Variants in MZT2B observed in about 807,000 individuals in gnomAD.
MZT2B encodes mitotic-spindle organizing protein 2B.
MZT2B carries 11 observed loss-of-function variants against 12.1 expected under a neutral mutation model. The observed-to-expected ratio is 0.91, with a 90% CI of 0.57 to 1.50. The LOEUF (loss-of-function observed/expected upper bound fraction) is 1.50. Ranked by LOEUF, MZT2B falls within the 40% of genes most tolerant of loss-of-function variation. MZT2B has a pLI of 0.00. For synonymous variants in MZT2B, 85 were observed against 109.5 expected (o/e 0.78, Z 1.40); for missense variants, 209 against 227.7 (o/e 0.92, Z 0.53).
At chr2:130,181,731 G>T (rs533911400), upstream of MZT2B, 688 of 1,548,836 alleles carry the variant, frequency 4.4e-4, 4 homozygotes, top group Middle Eastern at 4.7e-3. Context: ...GGCGAGGCAG[G>T]AGTGCGGGGG....
Position 130,190,639 on chromosome 2 carries a change from A to G in MZT2B, c.*13A>G. Reference sequence around the variant, plus strand: ...GGGCAGCACCTAGGATGGGGCAGAGACTTGTTGCATCTTTGTCCCCAGCAA... The same window carrying G: ...GGGCAGCACCTAGGATGGGGCAGAGGCTTGTTGCATCTTTGTCCCCAGCAA... On this transcript the variant is annotated 3_prime_UTR_variant, in exon 3 of 3. Transcript: ENST00000281871. 6.3e-7 allele frequency: 1 copy of G among 1,590,662 alleles called. No individual in the cohort carries two copies. Among genetic ancestry groups the G allele is most frequent in the East Asian group, 2.3e-5 (1 of 44,164 alleles).
At chr2:130,201,603 T>A in the MZT2B span, among the ~76,000 whole-genome samples, 2 of 152,188 alleles carry the variant, frequency 1.3e-5, no homozygotes, top group Non-Finnish European at 2.9e-5. Context: ...GGGACACCAT[T>A]CAGTCCATAG....
At chr2:130,181,723 C>G, upstream of MZT2B, 3 of 1,548,904 alleles carry the variant, frequency 1.9e-6, no homozygotes, top group Non-Finnish European at 2.6e-6. Flanking sequence ...AGAGAAATGG[C>G]GAGGCAGGAG....
At chr2:130,203,301 A>T in the MZT2B span, among the ~76,000 whole-genome samples, 1 of 152,130 alleles carries the variant, frequency 6.6e-6, no homozygotes, top group Non-Finnish European at 1.5e-5. Context: ...GCGGCCTCTC[A>T]TTGCTTGACA....
Position 130,182,597 on chromosome 2 carries a change from G to C in MZT2B, c.171-30G>C, listed in dbSNP as rs772702274. The C allele has an allele frequency of 6.4e-6, 10 of 1,556,018 alleles. No individual in the cohort carries two copies. The South Asian group carries it at 1.1e-4, about 17-fold the overall frequency. ...GAGGTGGCCGCGCCGGGCGGAGAGG[G>C]CTCACCGGCCCCGCGTCTGTCCCCG... On this transcript the variant is annotated intron_variant, in intron 1 of 2. Coordinates refer to ENST00000281871, the MANE Select transcript of MZT2B (RefSeq NM_025029.5).
chr2:130,202,829 C>T, the MZT2B span, among the ~76,000 whole-genome samples: 2 of 152,116 alleles, frequency 1.3e-5, no homozygotes, highest in African/African-American at 2.4e-5. Flanking sequence ...GCGCCTGACA[C>T]CAGTGACCTC....
the MZT2B span, among the ~76,000 whole-genome samples, chr2:130,201,076 A>G: frequency 6.6e-6 from 1 of 152,156 alleles, no homozygotes; most frequent in Non-Finnish European, 1.5e-5. Flanking sequence ...AGAGAGAGGG[A>G]GCTCCCCCAG....
chr2:130,181,831 G>A, upstream of MZT2B: 1 of 1,542,196 alleles, frequency 6.5e-7, no homozygotes, highest in Non-Finnish European at 8.7e-7. Flanking sequence ...CCGCGTGCGC[G>A]TAAGCAGTAT....
chr2:130,182,221 T>G (rs879176358), upstream of MZT2B: 10 of 1,228,656 alleles, frequency 8.1e-6, no homozygotes, highest in African/African-American at 1.1e-4. Context: ...AGGGAGAGGG[T>G]GGTGGGCGCA....
chr2:130,200,850 C>T, the MZT2B span, among the ~76,000 whole-genome samples: 4 of 152,246 alleles, frequency 2.6e-5, no homozygotes, highest in Non-Finnish European at 4.4e-5. Flanking sequence ...CTCAGCCTTC[C>T]TTGTAGGCTG....
chr2:130,192,114 T>C (rs747905324), downstream of MZT2B: 3 of 1,595,864 alleles, frequency 1.9e-6, no homozygotes, highest in Non-Finnish European at 2.6e-6. Flanking sequence ...GGGGGGCTGG[T>C]AGTTAATGCC....
upstream of MZT2B, chr2:130,181,728 C>T (rs1311435544): frequency 1.9e-6 from 3 of 1,548,836 alleles, no homozygotes; most frequent in South Asian, 1.2e-5. Flanking sequence ...AATGGCGAGG[C>T]AGGAGTGCGG....
At chr2:130,202,544 T>A in the MZT2B span, 2 of 1,061,668 alleles carry the variant, frequency 1.9e-6, no homozygotes, top group East Asian at 1.3e-4. Flanking sequence ...CTCCCACTCA[T>A]GGACTGTCCC....
chr2:130,191,960 G>A (rs574854736), downstream of MZT2B: 61 of 1,613,894 alleles, frequency 3.8e-5, no homozygotes, highest in South Asian at 2.5e-4. Context: ...CTTCGCCCAC[G>A]TACCAGTGCA....
chr2:130,203,379 G>A, the MZT2B span, among the ~76,000 whole-genome samples: 210 of 152,116 alleles, frequency 1.4e-3, no homozygotes, highest in Middle Eastern at 6.8e-3. Context: ...TGTGGGAGCC[G>A]CCCTGCCAGC....
chr2:130,189,864 G>A (rs1331490687), intron 2 of MZT2B, among the ~76,000 whole-genome samples: 1 of 151,954 alleles, frequency 6.6e-6, no homozygotes, highest in African/African-American at 2.4e-5. Flanking sequence ...GACTGTGGCA[G>A]GAACCCTGTC....
the MZT2B span, among the ~76,000 whole-genome samples, chr2:130,197,741 G>A: frequency 1.6e-5 from 2 of 123,026 alleles, 1 homozygote; most frequent in South Asian, 5.7e-4. Context: ...CGAGTAGCTG[G>A]AACCACAGAC....
the MZT2B span, chr2:130,198,291 C>T: frequency 7.4e-7 from 1 of 1,344,510 alleles, no homozygotes; most frequent in Non-Finnish European, 1.0e-6. Context: ...AACAACGTCC[C>T]TCTGTCCACC....
At chr2:130,200,689 G>A in the MZT2B span, among the ~76,000 whole-genome samples, 352 of 152,278 alleles carry the variant, frequency 2.3e-3, 8 homozygotes, top group Admixed American at 0.019. Flanking sequence ...CCCCTGTCCC[G>A]GGAAGAGCAG....
Sources: allele counts gnomAD v4.1 joint callset (sites outside exome capture counted in the v4.1 genomes callset), GRCh38; gene constraint gnomAD v4.1.1; transcripts MANE v1.5; gene names NCBI Gene and HGNC (gene_info 2026-07-23, HGNC 2026-07-21).